MARK1: variants seen among roughly 807,000 people sequenced by gnomAD.
The protein encoded by MARK1 is serine/threonine-protein kinase MARK1.
Under a neutral mutation model 96.3 loss-of-function variants are expected in MARK1, and 40 were observed. That is an observed-to-expected ratio of 0.42 (90% CI 0.32 to 0.54). MARK1 has a LOEUF of 0.54. MARK1 is among the 20% of genes least tolerant of loss of function. The pLI is 0.16. For synonymous variants in MARK1, 317 were observed against 341.2 expected (o/e 0.93, Z 0.78); for missense variants, 719 against 984.6 (o/e 0.73, Z 3.61).
At chr1:220,608,393 T>C (rs1666223864) in intron 6 of MARK1, among the ~76,000 whole-genome samples, 1 of 152,224 alleles carries the variant, frequency 6.6e-6, no homozygotes, top group East Asian at 1.9e-4. Context: ...GTGGGATCAA[T>C]GGTGATATCC....
intron 9 of MARK1, chr1:220,626,399 A>G: frequency 1.8e-6 from 1 of 548,646 alleles, no homozygotes; most frequent in East Asian, 4.9e-5. Context: ...GGCAAGTATT[A>G]TGCTGTTAAC....
intron 1 of MARK1, among the ~76,000 whole-genome samples, chr1:220,549,938 A>G (rs1197139081): frequency 6.6e-6 from 1 of 152,240 alleles, no homozygotes; most frequent in Non-Finnish European, 1.5e-5. Context: ...GAAGCAAGGA[A>G]TCAAACCAAA....
intron 1 of MARK1, among the ~76,000 whole-genome samples, chr1:220,549,019 C>T (rs886142768): frequency 4.6e-5 from 7 of 152,120 alleles, no homozygotes; most frequent in African/African-American, 1.7e-4. Context: ...GGAGAAGTGC[C>T]TCTAAAAATA....
Position 220,664,233 on chromosome 1 carries a change from T to C in MARK1, c.*2067T>C, listed in dbSNP as rs991705551. 17 of 152,226 alleles carry C rather than the reference T, an allele frequency of 1.1e-4. No homozygotes were observed. The highest frequency in any genetic ancestry group is 3.9e-4 in the African/African-American group (16 of 41,474). The allele number at this position is 152,226 out of a possible 1,614,324, so 9.4% of individuals were successfully genotyped here. ...TGTAGAAAGGAATTTGACTTCAATA[T>C]CTTTTATGAACTAAAAATGAAATCT... is the stretch of plus-strand genomic sequence containing the variant. On this transcript the variant is annotated 3_prime_UTR_variant, in exon 18 of 18. Coordinates refer to ENST00000366917, the MANE Select transcript of MARK1 (RefSeq NM_018650.5).
chr1:220,609,489 G>A (rs543836638), intron 6 of MARK1, among the ~76,000 whole-genome samples: 9 of 152,234 alleles, frequency 5.9e-5, no homozygotes, highest in African/African-American at 1.9e-4. Flanking sequence ...GCACACTGAT[G>A]GGTCTTGACT....
At chr1:220,577,411 CTT>C (rs1441908799) in intron 1 of MARK1, among the ~76,000 whole-genome samples, 1 of 152,234 alleles carries the variant, frequency 6.6e-6, no homozygotes, top group African/African-American at 2.4e-5. Context: ...ATTAAAATCT[CTT>C]GTTTCTACCC....
Position 220,662,430 on chromosome 1 carries a change from A to G in MARK1, c.*264A>G. 3.0e-6 allele frequency: 1 copy of G among 330,106 alleles called. No individual in the cohort carries two copies. The highest frequency in any genetic ancestry group is 4.3e-5 in the Admixed American group (1 of 23,176). The allele number at this position is 330,106 out of a possible 1,614,324, so 20.4% of individuals were successfully genotyped here. On this transcript the variant is annotated 3_prime_UTR_variant, in exon 18 of 18. Coordinates refer to ENST00000366917, the MANE Select transcript of MARK1 (RefSeq NM_018650.5). ...GTTCATTTTCTGTTCATAGAGTTGTATAATAAAACATGATTGCTTAAAAAC... is the reference window on the plus strand; with the variant it reads ...GTTCATTTTCTGTTCATAGAGTTGTGTAATAAAACATGATTGCTTAAAAAC...
intron 9 of MARK1, chr1:220,626,715 G>C: frequency 3.0e-6 from 1 of 334,628 alleles, no homozygotes. Flanking sequence ...CCAGCTATTC[G>C]GGAGGCTGAG....
chr1:220,589,841 G>A (rs1664866006), intron 3 of MARK1, among the ~76,000 whole-genome samples: 1 of 152,198 alleles, frequency 6.6e-6, no homozygotes, highest in Non-Finnish European at 1.5e-5. Context: ...TAGTAGCATG[G>A]CACTGCTGTT....
intron 3 of MARK1, among the ~76,000 whole-genome samples, chr1:220,591,337 T>C (rs1194178871): frequency 1.3e-5 from 2 of 152,234 alleles, no homozygotes; most frequent in African/African-American, 2.4e-5. Context: ...TTTTGAGATA[T>C]GTCCCAGCCG....
intron 12 of MARK1, 82 bp downstream of exon 12, chr1:220,635,611 T>A: frequency 7.0e-7 from 1 of 1,438,058 alleles, no homozygotes; most frequent in East Asian, 2.3e-5. Context: ...CATTCACGTC[T>A]CTATGTGCTT....
intron 13 of MARK1, among the ~76,000 whole-genome samples, chr1:220,643,449 G>C (rs950597329): frequency 1.5e-4 from 23 of 151,718 alleles, no homozygotes; most frequent in African/African-American, 5.6e-4. Context: ...TAAAAGGACT[G>C]ATTGGAGTAC....
At chr1:220,562,967 A>G (rs1321048292) in intron 1 of MARK1, among the ~76,000 whole-genome samples, 1 of 152,106 alleles carries the variant, frequency 6.6e-6, no homozygotes, top group East Asian at 1.9e-4. Flanking sequence ...GTAGAGGGCC[A>G]ACTGTACATA....
At position 220,528,600 on chromosome 1, in the gene MARK1, A is replaced by G. The variant is rs1245555600; in HGVS notation, c.-223A>G. ...GAAGCCCTCCCTCGTTACTGTCCGC[A>G]TACCCCGGCGGCGCCGCCGCGGGAA... On this transcript the variant is annotated 5_prime_UTR_variant, in exon 1 of 18. Coordinates refer to ENST00000366917, the MANE Select transcript of MARK1 (RefSeq NM_018650.5). 4.1e-6 allele frequency: 2 copies of G among 488,294 alleles called. No homozygotes were observed. The highest frequency in any genetic ancestry group is 3.0e-5 in the South Asian group (1 of 32,902). 30.2% of individuals were successfully genotyped at this position (488,294 alleles called of 1,614,324 possible).
intron 3 of MARK1, among the ~76,000 whole-genome samples, chr1:220,584,789 C>T (rs1001057006): frequency 5.3e-5 from 8 of 152,164 alleles, no homozygotes; most frequent in African/African-American, 1.4e-4. Flanking sequence ...ATATTTTTAT[C>T]AAGGAGAGAG....
chr1:220,650,795 C>G, intron 14 of MARK1, 75 bp downstream of exon 14: 1 of 1,001,700 alleles, frequency 1.0e-6, no homozygotes, highest in Non-Finnish European at 1.6e-6. Context: ...ATGCCTGCAG[C>G]CGAATGGGTC....
At chr1:220,567,895 C>A (rs1663170527) in intron 1 of MARK1, among the ~76,000 whole-genome samples, 2 of 152,120 alleles carry the variant, frequency 1.3e-5, no homozygotes, top group South Asian at 4.1e-4. Context: ...ATGGCCCCTG[C>A]TTTCTATCCA....
chr1:220,640,729 A>G (rs1380684568), intron 13 of MARK1, among the ~76,000 whole-genome samples: 1 of 152,218 alleles, frequency 6.6e-6, no homozygotes, highest in African/African-American at 2.4e-5. Context: ...CCCGTGGCAT[A>G]AAGTGAGGTC....
In MARK1 at chr1:220,607,513, A is replaced by AT. The variant is rs905364854; in HGVS notation, c.495+3385dup. Among the ~76,000 whole-genome samples, 12 of 150,724 alleles carry AT rather than the reference A, an allele frequency of 8.0e-5. 1 individual carries two copies. In the East Asian group the frequency reaches 9.7e-4, roughly 12 times the overall value. ...CTCATTTCCTAATTGAACACCCTTT[A>AT]TTTTTTTTTCTTGCCTGATTGCCCT... On this transcript the variant is annotated intron_variant, in intron 6 of 17. Coordinates refer to ENST00000366917, the MANE Select transcript of MARK1 (RefSeq NM_018650.5).
Sources: gnomAD v4.1 joint callset for allele counts (sites outside exome capture counted in the v4.1 genomes callset) on GRCh38, gnomAD v4.1.1 for gene constraint, MANE v1.5 for transcripts, NCBI Gene and HGNC (gene_info 2026-07-23, HGNC 2026-07-21) for gene names.